Variants in GFOD1 observed in about 807,000 individuals in gnomAD.
The protein encoded by GFOD1 is Gfo/Idh/MocA-like oxidoreductase domain containing 1, also known as glucose-fructose oxidoreductase domain-containing protein 1.
GFOD1 carries 9 observed loss-of-function variants against 25.4 expected under a neutral mutation model. That is an observed-to-expected ratio of 0.35 (90% CI 0.21 to 0.62). GFOD1 has a LOEUF of 0.62. Among genes scored for constraint, GFOD1 ranks in the 20% least tolerant of loss-of-function variants. The pLI is 0.72. For missense variants in GFOD1, 403 were observed against 556.9 expected (o/e 0.72, Z 2.78); for synonymous variants, 253 against 245.6 (o/e 1.03, Z -0.28).
intron 1 of GFOD1, among the ~76,000 whole-genome samples, chr6:13,388,777 C>A (rs1785527122): frequency 6.6e-6 from 1 of 152,170 alleles, no homozygotes; most frequent in Non-Finnish European, 1.5e-5. Flanking sequence ...TCTAATTAAA[C>A]TGAAAAGTTT....
chr6:13,407,092 C>T (rs1046171369), intron 1 of GFOD1, among the ~76,000 whole-genome samples: 4 of 152,128 alleles, frequency 2.6e-5, no homozygotes, highest in Admixed American at 2.0e-4. Flanking sequence ...GTGTGACAAG[C>T]ATAAGGCTAT....
At chr6:13,402,736 A>G (rs1422511747) in intron 1 of GFOD1, among the ~76,000 whole-genome samples, 1 of 152,260 alleles carries the variant, frequency 6.6e-6, no homozygotes, top group Non-Finnish European at 1.5e-5. Flanking sequence ...GTAAGAATGT[A>G]CAATGGTGTA....
chr6:13,485,573 A>T (rs1177498868), intron 1 of GFOD1, among the ~76,000 whole-genome samples: 1 of 152,018 alleles, frequency 6.6e-6, no homozygotes, highest in Non-Finnish European at 1.5e-5. Context: ...GGATTGTTTT[A>T]GGTTACGTGC....
chr6:13,407,565 G>A (rs1269317682), intron 1 of GFOD1, among the ~76,000 whole-genome samples: 2 of 152,178 alleles, frequency 1.3e-5, no homozygotes, highest in Non-Finnish European at 2.9e-5. Flanking sequence ...CCTTTGTTAT[G>A]TCTCTAGGGA....
chr6:13,455,311 G>A (rs1195031490), intron 1 of GFOD1, among the ~76,000 whole-genome samples: 1 of 152,142 alleles, frequency 6.6e-6, no homozygotes, highest in East Asian at 1.9e-4. Flanking sequence ...AATCACCTTG[G>A]TAATTCCAGA....
At chr6:13,431,318 G>A (rs1757745802) in intron 1 of GFOD1, among the ~76,000 whole-genome samples, 1 of 152,198 alleles carries the variant, frequency 6.6e-6, no homozygotes, top group Non-Finnish European at 1.5e-5. Flanking sequence ...GCTCAGAAAT[G>A]TTAAGCAATT....
chr6:13,447,921 G>A (rs927935274), intron 1 of GFOD1, among the ~76,000 whole-genome samples: 3 of 152,036 alleles, frequency 2.0e-5, no homozygotes, highest in Non-Finnish European at 4.4e-5. Flanking sequence ...TCTATCCTGA[G>A]GGTGAAATGG....
intron 1 of GFOD1, among the ~76,000 whole-genome samples, chr6:13,404,925 T>G (rs1255605863): frequency 6.6e-6 from 1 of 152,182 alleles, no homozygotes; most frequent in Admixed American, 6.5e-5. Flanking sequence ...TGTTTAAAAA[T>G]TTTTTAATTT....
intron 1 of GFOD1, among the ~76,000 whole-genome samples, chr6:13,432,341 G>C (rs752929371): frequency 6.6e-6 from 1 of 151,046 alleles, no homozygotes. Context: ...AACCTCCCAA[G>C]TAGCTGGGAC....
At chr6:13,413,946 C>G (rs1276978822) in intron 1 of GFOD1, among the ~76,000 whole-genome samples, 1 of 152,184 alleles carries the variant, frequency 6.6e-6, no homozygotes, top group Non-Finnish European at 1.5e-5. Flanking sequence ...CATAATAGGG[C>G]CAAGCCCCTA....
intron 1 of GFOD1, among the ~76,000 whole-genome samples, chr6:13,465,917 A>G (rs970694673): frequency 3.3e-5 from 5 of 152,238 alleles, no homozygotes; most frequent in African/African-American, 7.2e-5. Flanking sequence ...CTGTCATCAT[A>G]CCAAATATCT....
intron 1 of GFOD1, among the ~76,000 whole-genome samples, chr6:13,372,110 C>A (rs567941372): frequency 6.6e-6 from 1 of 152,180 alleles, no homozygotes; most frequent in Non-Finnish European, 1.5e-5. Context: ...GCAAATAAAG[C>A]GAAGCTATCT....
chr6:13,390,771 GAGAGAGAGAA>G (rs1361907455), intron 1 of GFOD1, among the ~76,000 whole-genome samples: 3 of 124,924 alleles, frequency 2.4e-5, no homozygotes, highest in African/African-American at 8.9e-5. Flanking sequence ...AAGAGAGAGA[GAGAGAGAGAA>G]AGGAAGGAAG....
At chr6:13,419,156 T>C (rs75579966) in intron 1 of GFOD1, among the ~76,000 whole-genome samples, 16 of 152,314 alleles carry the variant, frequency 1.1e-4, no homozygotes, top group Non-Finnish European at 2.1e-4. Context: ...TCCCTGTTGC[T>C]GAAAGAACTT....
intron 1 of GFOD1, among the ~76,000 whole-genome samples, chr6:13,408,633 C>T (rs541289021): frequency 5.9e-5 from 9 of 152,272 alleles, no homozygotes; most frequent in African/African-American, 2.2e-4. Context: ...GCCCGGGCCC[C>T]TCTACCTTTA....
chr6:13,423,978 C>A (rs1184667226), intron 1 of GFOD1, among the ~76,000 whole-genome samples: 1 of 152,136 alleles, frequency 6.6e-6, no homozygotes. Flanking sequence ...CCTGCCTCGG[C>A]CTCCTGAGTA....
At chr6:13,429,884 C>T (rs758740663) in intron 1 of GFOD1, among the ~76,000 whole-genome samples, 6 of 152,020 alleles carry the variant, frequency 3.9e-5, no homozygotes, top group African/African-American at 7.3e-5. Flanking sequence ...CACACACATG[C>T]ATGTATAGAG....
Position 13,363,571 on chromosome 6 carries a change from TTTTTTTTTTTTTTG to T in GFOD1, c.*1158_*1171del, listed in dbSNP as rs1784981734. The T allele has an allele frequency of 7.0e-6, 1 of 142,146 alleles. No individual in the cohort carries two copies. Among genetic ancestry groups the T allele is most frequent in the African/African-American group, 2.6e-5 (1 of 38,350 alleles). The allele number at this position is 142,146 out of a possible 1,614,324, so 8.8% of individuals were successfully genotyped here. On this transcript the variant is annotated 3_prime_UTR_variant, in exon 2 of 2. Coordinates refer to ENST00000379287, the MANE Select transcript of GFOD1 (RefSeq NM_018988.4). Reference sequence around the variant, plus strand: ...AGGAAAATCCTTTTTTTTTTTTTTTTTTTTTTTTTTTTTGTAAGGAAAGAGGATTCTGATTGGAA... The same window carrying T: ...AGGAAAATCCTTTTTTTTTTTTTTTTTAAGGAAAGAGGATTCTGATTGGAA...
At chr6:13,442,136 A>C (rs1192096124) in intron 1 of GFOD1, among the ~76,000 whole-genome samples, 1 of 152,212 alleles carries the variant, frequency 6.6e-6, no homozygotes, top group Non-Finnish European at 1.5e-5. Flanking sequence ...GCCGGGAATC[A>C]ATTTTTTTTC....
Sources: allele counts gnomAD v4.1 joint callset (sites outside exome capture counted in the v4.1 genomes callset), GRCh38; gene constraint gnomAD v4.1.1; transcripts MANE v1.5; gene names NCBI Gene and HGNC (gene_info 2026-07-23, HGNC 2026-07-21).